The following HPGDS variants were observed in gnomAD, a reference collection of about 807,000 sequenced individuals.
HPGDS encodes hematopoietic prostaglandin D synthase.
HPGDS carries 26 observed loss-of-function variants against 23.1 expected under a neutral mutation model. That is an observed-to-expected ratio of 1.13 (90% CI 0.83 to 1.56). The LOEUF is 1.56. Ranked by LOEUF, HPGDS falls within the 40% of genes most tolerant of loss-of-function variation. The pLI is 0.00. For synonymous variants in HPGDS, 95 were observed against 77.9 expected (o/e 1.22, Z -1.16); for missense variants, 268 against 236.4 (o/e 1.13, Z -0.88).
intron 3 of HPGDS, among the ~76,000 whole-genome samples, chr4:94,313,632 C>T (rs1054922600): frequency 2.6e-5 from 4 of 152,164 alleles, no homozygotes; most frequent in African/African-American, 4.8e-5. Flanking sequence ...TTGCTCTTCT[C>T]GAGGAGTATC....
At chr4:94,311,534 G>C (rs948227945) in intron 3 of HPGDS, among the ~76,000 whole-genome samples, 1 of 151,310 alleles carries the variant, frequency 6.6e-6, no homozygotes, top group African/African-American at 2.5e-5. Context: ...GCTGGATTCA[G>C]TTTGCCAGTA....
intron 4 of HPGDS, among the ~76,000 whole-genome samples, chr4:94,307,018 G>T (rs992370621): frequency 9.9e-5 from 15 of 151,966 alleles, no homozygotes; most frequent in Non-Finnish European, 1.8e-4. Context: ...CTAAGGGCAC[G>T]TGTTTTGTAA....
chr4:94,329,384 T>A (rs951260076), intron 2 of HPGDS, among the ~76,000 whole-genome samples: 1 of 152,158 alleles, frequency 6.6e-6, no homozygotes, highest in Non-Finnish European at 1.5e-5. Context: ...GAGAAAGATA[T>A]TAAAAATCAG....
At chr4:94,339,420 G>A (rs1161228489) in intron 1 of HPGDS, among the ~76,000 whole-genome samples, 1 of 152,124 alleles carries the variant, frequency 6.6e-6, no homozygotes, top group East Asian at 1.9e-4. Context: ...AAAGTATATC[G>A]TGTAAAGTTA....
chr4:94,304,022 C>T (rs1325871566), intron 4 of HPGDS: 2 of 124,484 alleles, frequency 1.6e-5, no homozygotes, highest in Admixed American at 1.8e-4. Context: ...TTTGATTACA[C>T]TTCTTTTTTT....
chr4:94,314,123 C>T (rs1756341043), intron 3 of HPGDS, among the ~76,000 whole-genome samples: 1 of 152,182 alleles, frequency 6.6e-6, no homozygotes, highest in Non-Finnish European at 1.5e-5. Flanking sequence ...TCATCTGAAG[C>T]CTTCTTCTCT....
At chr4:94,321,381 C>A (rs543910521) in intron 2 of HPGDS, among the ~76,000 whole-genome samples, 234 of 152,236 alleles carry the variant, frequency 1.5e-3, no homozygotes, top group African/African-American at 5.3e-3. Context: ...GATATTGATT[C>A]TTCCTACCCA....
At chr4:94,326,670 A>G (rs1756637298) in intron 2 of HPGDS, among the ~76,000 whole-genome samples, 1 of 152,060 alleles carries the variant, frequency 6.6e-6, no homozygotes, top group Non-Finnish European at 1.5e-5. Context: ...CTTTAATACC[A>G]TTATTGTCAA....
In HPGDS at chr4:94,299,644, C is replaced by T; in HGVS notation, c.436G>A (p.Val146Ile). The change falls in exon 6 of 6, where the codon GTA becomes ATA. Residue 146 changes from valine to isoleucine, a missense_variant and splice_region_variant. Physicochemically the swap from Val to Ile is conservative, Grantham distance 29. Transcript: ENST00000295256. ...TCCCAGTAGAAGTCTGCCCAAGTTA[C>T]CTAGTTTAAAGGAAACAAACTTTTC... is the stretch of plus-strand genomic sequence containing the variant. ...GGREWLIGNSVTWADFYWEIC... is the reference protein window; with the variant it reads ...GGREWLIGNSITWADFYWEIC... 6.2e-7 allele frequency: 1 copy of T among 1,612,642 alleles called. No individual in the cohort carries two copies. Among genetic ancestry groups the T allele is most frequent in the Non-Finnish European group, 8.5e-7 (1 of 1,179,234 alleles).
At chr4:94,339,964 G>T (rs1204201911) in intron 1 of HPGDS, among the ~76,000 whole-genome samples, 2 of 151,956 alleles carry the variant, frequency 1.3e-5, no homozygotes, top group African/African-American at 4.8e-5. Flanking sequence ...TTCCTCTTCC[G>T]CTATGATGGT....
chr4:94,312,326 C>G (rs1323394074), intron 3 of HPGDS, among the ~76,000 whole-genome samples: 1 of 152,182 alleles, frequency 6.6e-6, no homozygotes, highest in Non-Finnish European at 1.5e-5. Context: ...CCCAGAGATT[C>G]TGGTACGTTG....
At chr4:94,318,406 T>G (rs1431183412) in intron 2 of HPGDS, among the ~76,000 whole-genome samples, 1 of 152,132 alleles carries the variant, frequency 6.6e-6, no homozygotes, top group Non-Finnish European at 1.5e-5. Flanking sequence ...TAATTGCACA[T>G]ACTATGGGGT....
intron 1 of HPGDS, among the ~76,000 whole-genome samples, chr4:94,340,657 T>TTC (rs1721146045): frequency 5.0e-5 from 3 of 59,544 alleles, no homozygotes; most frequent in African/African-American, 2.0e-4. Flanking sequence ...TCCCTTTTTT[T>TTC]TTTTTTTTTT....
At chr4:94,319,930 G>A (rs1055271150) in intron 2 of HPGDS, among the ~76,000 whole-genome samples, 11 of 152,042 alleles carry the variant, frequency 7.2e-5, no homozygotes, top group African/African-American at 2.7e-4. Context: ...CCCTGCAACA[G>A]GCCCCAGTGT....
chr4:94,320,067 C>T (rs547911256), intron 2 of HPGDS, among the ~76,000 whole-genome samples: 2 of 152,278 alleles, frequency 1.3e-5, no homozygotes, highest in Non-Finnish European at 2.9e-5. Flanking sequence ...CAGCTTCATC[C>T]ATGTCCCTAC....
intron 5 of HPGDS, 33 bp downstream of exon 5, chr4:94,302,113 G>A (rs768852852): frequency 8.1e-6 from 12 of 1,485,494 alleles, no homozygotes; most frequent in Non-Finnish European, 1.0e-5. Context: ...CCTTTTATTT[G>A]CTTGAATTTT....
intron 3 of HPGDS, among the ~76,000 whole-genome samples, chr4:94,313,564 C>T (rs1448240695): frequency 1.3e-5 from 2 of 152,146 alleles, no homozygotes; most frequent in Admixed American, 1.3e-4. Context: ...TTTGGCTGCC[C>T]TTAACATTTT....
intron 2 of HPGDS, among the ~76,000 whole-genome samples, chr4:94,328,662 A>G (rs1252629577): frequency 6.6e-6 from 1 of 152,196 alleles, no homozygotes; most frequent in Non-Finnish European, 1.5e-5. Flanking sequence ...TTTCATTTCA[A>G]GTTTTGTAAA....
chr4:94,338,835 A>T (rs889870416), intron 1 of HPGDS, among the ~76,000 whole-genome samples: 1 of 152,234 alleles, frequency 6.6e-6, no homozygotes, highest in Non-Finnish European at 1.5e-5. Flanking sequence ...GATTGTCTAT[A>T]TTTAAACTTC....
Sources: gnomAD v4.1 joint callset for allele counts (sites outside exome capture counted in the v4.1 genomes callset) on GRCh38, gnomAD v4.1.1 for gene constraint, MANE v1.5 for transcripts, NCBI Gene and HGNC (gene_info 2026-07-23, HGNC 2026-07-21) for gene names.